The following EPB41L5 variants were observed in gnomAD, a reference collection of about 807,000 sequenced individuals.
EPB41L5 encodes the protein band 4.1-like protein 5.
A neutral mutation model predicts 106.6 loss-of-function variants in EPB41L5; 55 were observed. The observed-to-expected ratio is 0.52, with a 90% CI of 0.42 to 0.65. The LOEUF is 0.65. Ranked by LOEUF, EPB41L5 falls within the 30% of genes least tolerant of loss-of-function variation. EPB41L5 has a pLI of 0.00. For missense variants in EPB41L5, 871 were observed against 882.1 expected (o/e 0.99, Z 0.16); for synonymous variants, 297 against 306.7 (o/e 0.97, Z 0.33).
chr2:120,087,029 G>A (rs1029735495), intron 10 of EPB41L5, 142 bp from the exon 11 acceptor site: 6 of 554,200 alleles, frequency 1.1e-5, no homozygotes, highest in African/African-American at 9.5e-5. Context: ...CTTTTGATGG[G>A]CATTGCAAGT....
chr2:120,031,209 C>T (rs1020848896), intron 2 of EPB41L5, among the ~76,000 whole-genome samples: 1 of 152,222 alleles, frequency 6.6e-6, no homozygotes, highest in Admixed American at 6.5e-5. Flanking sequence ...TCCCCTAATG[C>T]TCAGGCTGAT....
intron 20 of EPB41L5, among the ~76,000 whole-genome samples, chr2:120,148,959 G>T (rs938187331): frequency 2.6e-5 from 4 of 151,996 alleles, no homozygotes; most frequent in East Asian, 1.9e-4. Flanking sequence ...CAAAATGGCC[G>T]TAACATTTTT....
intron 20 of EPB41L5, chr2:120,160,590 G>A (rs980478280): frequency 1.1e-4 from 31 of 274,888 alleles, no homozygotes; most frequent in Non-Finnish European, 1.6e-4. Context: ...GTTCTTTAAA[G>A]TTGCTGTACT....
At chr2:120,042,995 A>ATTTGTGTGTGTGTGTGTGTGTGTG in intron 3 of EPB41L5, among the ~76,000 whole-genome samples, 1 of 70,124 alleles carries the variant, frequency 1.4e-5, no homozygotes, top group South Asian at 4.1e-4. Context: ...TTTTCTGGAA[A>ATTTGTGTGTGTGTGTGTGTGTGTG]TGTGTGTGTG....
chr2:120,022,333 A>C (rs1677991361), intron 2 of EPB41L5, among the ~76,000 whole-genome samples: 1 of 148,540 alleles, frequency 6.7e-6, no homozygotes, highest in African/African-American at 2.5e-5. Flanking sequence ...TCCCTCCCCT[A>C]ACCCCCCACC....
chr2:120,050,104 C>T (rs1680121240), intron 3 of EPB41L5, among the ~76,000 whole-genome samples: 2 of 152,044 alleles, frequency 1.3e-5, no homozygotes, highest in Admixed American at 1.3e-4. Flanking sequence ...ACATTTTTTC[C>T]TTCATTTCAA....
At chr2:120,106,381 T>A (rs2105414721) in intron 16 of EPB41L5, 1 of 985,276 alleles carries the variant, frequency 1.0e-6, no homozygotes, top group African/African-American at 1.7e-5. Context: ...TACTGATATT[T>A]GCAAGATGGA....
At chr2:120,145,654 C>G (rs1184598240) in intron 19 of EPB41L5, among the ~76,000 whole-genome samples, 8 of 152,042 alleles carry the variant, frequency 5.3e-5, no homozygotes, top group African/African-American at 1.9e-4. Flanking sequence ...AAAATTGGTG[C>G]ATTATTGATG....
chr2:120,042,752 A>T (rs1164821328), intron 3 of EPB41L5, among the ~76,000 whole-genome samples: 1 of 152,166 alleles, frequency 6.6e-6, no homozygotes, highest in African/African-American at 2.4e-5. Context: ...ATTAAATAAT[A>T]AATTGGCAAT....
At chr2:120,024,444 G>GT (rs1300313994) in intron 2 of EPB41L5, among the ~76,000 whole-genome samples, 1 of 152,022 alleles carries the variant, frequency 6.6e-6, no homozygotes, top group Non-Finnish European at 1.5e-5. Context: ...TAATCATGTG[G>GT]TTTTTTGTGT....
intron 11 of EPB41L5, 135 bp downstream of exon 11, chr2:120,087,375 A>G (rs918739777): frequency 5.8e-6 from 3 of 518,650 alleles, no homozygotes; most frequent in East Asian, 6.4e-5. Context: ...AATGCTTTAA[A>G]TAATTTCCTT....
At chr2:120,100,132 A>C (rs1684040780) in intron 14 of EPB41L5, 112 bp from the exon 15 acceptor site, 1 of 767,024 alleles carries the variant, frequency 1.3e-6, no homozygotes, top group Admixed American at 2.9e-5. Flanking sequence ...TATTTGAAAC[A>C]AAACGTTAAT....
intron 16 of EPB41L5, among the ~76,000 whole-genome samples, chr2:120,124,809 G>A (rs1558892529): frequency 6.6e-6 from 1 of 151,948 alleles, no homozygotes; most frequent in Non-Finnish European, 1.5e-5. Context: ...TTTTTTTAAA[G>A]GAGTCTACAC....
At chr2:120,040,139 C>T (rs900190530) in intron 2 of EPB41L5, among the ~76,000 whole-genome samples, 2 of 151,370 alleles carry the variant, frequency 1.3e-5, no homozygotes, top group Non-Finnish European at 1.5e-5. Context: ...GCAGCACTGA[C>T]GTAGGAAACT....
At chr2:120,174,540 T>G (rs1558922992) in intron 24 of EPB41L5, among the ~76,000 whole-genome samples, 1 of 152,058 alleles carries the variant, frequency 6.6e-6, no homozygotes, top group Non-Finnish European at 1.5e-5. Flanking sequence ...ACAGCACTGT[T>G]CTTGATACTC....
intron 16 of EPB41L5, chr2:120,106,817 A>G (rs935328850): frequency 8.1e-6 from 8 of 985,276 alleles, no homozygotes; most frequent in African/African-American, 3.5e-5. Context: ...GCGTTTACCT[A>G]TCTTGGAGTA....
rs56198274 is a variant in EPB41L5, at chr2:120,084,424, C to A, written c.804-2747C>A. Among the ~76,000 whole-genome samples the A allele has an allele frequency of 5.2e-3, 794 of 152,276 alleles. 4 individuals carry two copies. Among genetic ancestry groups the A allele is most frequent in the African/African-American group, 0.018 (764 of 41,546 alleles). On this transcript the variant is annotated intron_variant, in intron 10 of 24. Coordinates refer to ENST00000263713, the MANE Select transcript of EPB41L5 (RefSeq NM_020909.4). ...GATGTGAAATTCTGGGTTGAAAATTCTTTTCTCTAAGAATGTTGAGTATTG... is the reference window on the plus strand; with the variant it reads ...GATGTGAAATTCTGGGTTGAAAATTATTTTCTCTAAGAATGTTGAGTATTG...
At chr2:120,070,719 A>G (rs189365087) in intron 3 of EPB41L5, among the ~76,000 whole-genome samples, 1 of 152,376 alleles carries the variant, frequency 6.6e-6, no homozygotes, top group African/African-American at 2.4e-5. Flanking sequence ...TCAGCTAAAC[A>G]GAACCAATGA....
chr2:120,132,562 G>T (rs947480026), intron 18 of EPB41L5, among the ~76,000 whole-genome samples: 1 of 152,090 alleles, frequency 6.6e-6, no homozygotes, highest in African/African-American at 2.4e-5. Flanking sequence ...ACTGTCTTTC[G>T]GGATCCAAGC....
Sources: gnomAD v4.1 joint callset for allele counts (sites outside exome capture counted in the v4.1 genomes callset) on GRCh38, gnomAD v4.1.1 for gene constraint, MANE v1.5 for transcripts, NCBI Gene and HGNC (gene_info 2026-07-23, HGNC 2026-07-21) for gene names.